EFCAB12: variants seen among roughly 807,000 people sequenced by gnomAD.
The protein encoded by EFCAB12 is EF-hand calcium-binding domain-containing protein 12.
EFCAB12 carries 43 observed loss-of-function variants against 53.6 expected under a neutral mutation model. The observed-to-expected ratio is 0.80, with a 90% CI of 0.63 to 1.03. The LOEUF (loss-of-function observed/expected upper bound fraction) is 1.03. Ranked by LOEUF, EFCAB12 falls within the 50% of genes least tolerant of loss-of-function variation. The probability of loss-of-function intolerance (pLI) is 0.00; values close to 1 mark genes in which losing one functional copy is unlikely to be tolerated. For missense variants in EFCAB12, 646 were observed against 730.6 expected, an observed-to-expected ratio of 0.88 and a Z score of 1.34; for synonymous variants, 269 against 289.2, an observed-to-expected ratio of 0.93 and a Z score of 0.71.
intron 3 of EFCAB12, among the ~76,000 whole-genome samples, chr3:129,416,652 T>C (rs1038266509): frequency 6.6e-6 from 1 of 152,116 alleles, no homozygotes; most frequent in African/African-American, 2.4e-5. Context: ...TTGTTGTCGT[T>C]GTTTGGGTTT....
chr3:129,408,559 G>A, intron 6 of EFCAB12, 86 bp downstream of exon 6: 1 of 1,399,788 alleles, frequency 7.1e-7, no homozygotes, highest in Non-Finnish European at 9.8e-7. Flanking sequence ...TTGAATGGCT[G>A]CATGGGTGCC....
At chr3:129,415,111 T>A in intron 4 of EFCAB12, 134 bp downstream of exon 4, 1 of 1,156,042 alleles carries the variant, frequency 8.7e-7, no homozygotes, top group Non-Finnish European at 1.2e-6. Flanking sequence ...TTCCAGAGGC[T>A]TGGCCAAACC....
chr3:129,408,888 T>G, intron 5 of EFCAB12, 30 bp from the exon 6 acceptor site: 2 of 1,549,010 alleles, frequency 1.3e-6, no homozygotes, highest in Non-Finnish European at 1.7e-6. Flanking sequence ...GGGCTCGCCC[T>G]TCTCTCGCCT....
chr3:129,423,632 T>A (rs2072215927), intron 1 of EFCAB12, among the ~76,000 whole-genome samples: 1 of 151,134 alleles, frequency 6.6e-6, no homozygotes, highest in Non-Finnish European at 1.5e-5. Context: ...TTCAAAAAAA[T>A]TTAAAAAAAT....
At chr3:129,419,565 G>A (rs1027551852) in intron 2 of EFCAB12, among the ~76,000 whole-genome samples, 20 of 152,208 alleles carry the variant, frequency 1.3e-4, no homozygotes, top group African/African-American at 4.8e-4. Context: ...AATGGGATCA[G>A]CTAGAAAAGC....
chr3:129,426,085 C>A (rs945507565), intron 1 of EFCAB12, among the ~76,000 whole-genome samples: 3 of 152,194 alleles, frequency 2.0e-5, no homozygotes, highest in African/African-American at 7.2e-5. Flanking sequence ...CTGCTCTTGG[C>A]TTGATTCAAT....
intron 1 of EFCAB12, among the ~76,000 whole-genome samples, chr3:129,425,303 A>G (rs1010596947): frequency 2.8e-4 from 43 of 152,010 alleles, no homozygotes; most frequent in Non-Finnish European, 1.5e-5. Flanking sequence ...CATTCAATGG[A>G]TTCTTAGTGC....
In EFCAB12 at chr3:129,401,660, G is replaced by A. The variant is rs2071871879; in HGVS notation, c.1652C>T (p.Pro551Leu). 1 of 1,586,416 alleles carries A rather than the reference G, an allele frequency of 6.3e-7. No individual in the cohort carries two copies. The highest frequency in any genetic ancestry group is 1.7e-4 in the Middle Eastern group (1 of 6,034). The change falls in exon 9 of 9, where the codon CCC becomes CTC. Residue 551 changes from proline (P) to leucine (L), a missense_variant. Transcript: ENST00000505956. ...GGTCATGTAGTTCTTGTTCCTAAGG[G>A]GCCACCAGTGGTCAGGGTGGTAGGT... The part of the protein sequence containing the change: ...PATYHPDHWW[P>L]LRNKNYMTHA...
rs185584306 is a variant in EFCAB12, at chr3:129,402,691, G to A, written c.1404-112C>T. 109 of 1,041,300 alleles carry A rather than the reference G, an allele frequency of 1.0e-4. 1 individual carries two copies. The Middle Eastern group carries it at 1.3e-3, about 12-fold the overall frequency. The allele number at this position is 1,041,300 out of a possible 1,614,324, so 64.5% of individuals were successfully genotyped here. A position where few individuals can be genotyped will look rare whatever the true frequency, so the allele number is the denominator to read the frequency against. ...GGACCCGTTTCTAAGTCTCAAACGAGAGCTCTGAAAGAAAAATGTCTTCCA... is the reference window on the plus strand; with the variant it reads ...GGACCCGTTTCTAAGTCTCAAACGAAAGCTCTGAAAGAAAAATGTCTTCCA... On this transcript the variant is annotated intron_variant, in intron 7 of 8. Transcript: ENST00000505956.
chr3:129,419,592 C>T (rs568877886), intron 2 of EFCAB12, among the ~76,000 whole-genome samples: 3 of 152,218 alleles, frequency 2.0e-5, no homozygotes, highest in Non-Finnish European at 4.4e-5. Flanking sequence ...GGCTCCCTCT[C>T]GTGCACCCCC....
At chr3:129,427,091 C>A (rs2072282448) in intron 1 of EFCAB12, among the ~76,000 whole-genome samples, 1 of 152,062 alleles carries the variant, frequency 6.6e-6, no homozygotes, top group Non-Finnish European at 1.5e-5. Context: ...TCGTGATCCA[C>A]CCACCTCAGC....
At chr3:129,402,247 C>G (rs1215622369) in intron 8 of EFCAB12, among the ~76,000 whole-genome samples, 1 of 152,232 alleles carries the variant, frequency 6.6e-6, no homozygotes, top group Non-Finnish European at 1.5e-5. Context: ...CGACTCTGAG[C>G]ATGATATTTA....
intron 4 of EFCAB12, chr3:129,413,896 T>C (rs550301846): frequency 1.2e-4 from 19 of 152,370 alleles, no homozygotes; most frequent in African/African-American, 3.1e-4. Flanking sequence ...GTTTACTTAC[T>C]GGGAAATAAC....
At chr3:129,410,357 C>T (rs1344320895) in intron 5 of EFCAB12, among the ~76,000 whole-genome samples, 2 of 151,686 alleles carry the variant, frequency 1.3e-5, no homozygotes, top group African/African-American at 2.4e-5. Flanking sequence ...TGCTCTTTCC[C>T]CTCGGCTGGA....
At chr3:129,409,777 G>C (rs975143235) in intron 5 of EFCAB12, among the ~76,000 whole-genome samples, 1 of 152,092 alleles carries the variant, frequency 6.6e-6, no homozygotes, top group Admixed American at 6.5e-5. Flanking sequence ...GAGTAGTTGC[G>C]ACAGACAAGA....
At chr3:129,425,850 T>C (rs2072264366) in intron 1 of EFCAB12, among the ~76,000 whole-genome samples, 1 of 152,230 alleles carries the variant, frequency 6.6e-6, no homozygotes, top group Non-Finnish European at 1.5e-5. Flanking sequence ...TTGCCTCTGT[T>C]TATACATCTC....
chr3:129,404,073 A>G, intron 7 of EFCAB12, 177 bp downstream of exon 7: 1 of 736,884 alleles, frequency 1.4e-6, no homozygotes, highest in Non-Finnish European at 2.1e-6. Flanking sequence ...ACATGCGCCA[A>G]GGGTGACCCG....
intron 5 of EFCAB12, among the ~76,000 whole-genome samples, chr3:129,409,531 A>G (rs1424661842): frequency 6.6e-6 from 1 of 152,222 alleles, no homozygotes; most frequent in Non-Finnish European, 1.5e-5. Flanking sequence ...GCCATGAGCT[A>G]AGATAGGAGG....
Position 129,401,514 on chromosome 3 carries a change from T to A in EFCAB12, c.*79A>T. 6.9e-7 allele frequency: 1 copy of A among 1,448,446 alleles called. No homozygotes were observed. The highest frequency in any genetic ancestry group is 9.1e-7 in the Non-Finnish European group (1 of 1,093,862). 89.7% of individuals were successfully genotyped at this position (1,448,446 alleles called of 1,614,324 possible). On this transcript the variant is annotated 3_prime_UTR_variant, in exon 9 of 9. Coordinates refer to ENST00000505956, the MANE Select transcript of EFCAB12 (RefSeq NM_207307.3). Reference sequence around the variant, plus strand: ...CTTTAGTTTGACTCTTTGACACTCCTCTTGTGTCTGGGCTCTGGGCCGCTG... The same window carrying A: ...CTTTAGTTTGACTCTTTGACACTCCACTTGTGTCTGGGCTCTGGGCCGCTG...
Sources: allele counts gnomAD v4.1 joint callset (sites outside exome capture counted in the v4.1 genomes callset), GRCh38; gene constraint gnomAD v4.1.1; transcripts MANE v1.5; gene names NCBI Gene and HGNC (gene_info 2026-07-23, HGNC 2026-07-21).